ARHGEF11: variants seen among roughly 807,000 people sequenced by gnomAD.
ARHGEF11 encodes the protein Rho guanine nucleotide exchange factor 11.
Under a neutral mutation model 193.7 loss-of-function variants are expected in ARHGEF11, and 55 were observed. That is an observed-to-expected ratio of 0.28 (90% CI 0.23 to 0.36). The LOEUF (loss-of-function observed/expected upper bound fraction) is 0.36, where lower values mean the gene tolerates loss of function less well. Among genes scored for constraint, ARHGEF11 ranks in the 10% least tolerant of loss-of-function variants. The pLI, the probability that ARHGEF11 is intolerant of heterozygous loss-of-function variation, is 1.00. For missense variants in ARHGEF11, 1,723 were observed against 2,005.6 expected (o/e 0.86, Z 2.69); for synonymous variants, 693 against 768.0 (o/e 0.90, Z 1.62).
chr1:156,984,548 T>C (rs1485331991), intron 2 of ARHGEF11, 111 bp from the exon 3 acceptor site: 1 of 692,634 alleles, frequency 1.4e-6, no homozygotes, highest in Non-Finnish European at 2.5e-6. Flanking sequence ...AGAAGCCTTT[T>C]CACACTAAAC....
chr1:157,030,533 C>T (rs1671171691), intron 1 of ARHGEF11, among the ~76,000 whole-genome samples: 1 of 152,164 alleles, frequency 6.6e-6, no homozygotes. Flanking sequence ...TTACCTATCT[C>T]TTTCCTAGTC....
chr1:156,998,324 C>A (rs963782415), intron 1 of ARHGEF11, among the ~76,000 whole-genome samples: 1 of 152,196 alleles, frequency 6.6e-6, no homozygotes, highest in Non-Finnish European at 1.5e-5. Context: ...AAGCTCACAT[C>A]GGACTTATCC....
At position 156,963,582 on chromosome 1, in the gene ARHGEF11, T is replaced by C; in HGVS notation, c.976A>G (p.Ser326Gly). 1.3e-6 allele frequency: 2 copies of C among 1,492,224 alleles called. No homozygotes were observed. Among genetic ancestry groups the C allele is most frequent in the Non-Finnish European group, 1.8e-6 (2 of 1,114,824 alleles). 92.4% of individuals were successfully genotyped at this position (1,492,224 alleles called of 1,614,324 possible). A position where few individuals can be genotyped will look rare whatever the true frequency, so the allele number is the denominator to read the frequency against. Residue 326 changes from serine to glycine, a missense_variant, in exon 12 of 41, where the codon AGC becomes GGC. Around this residue, in one of 5 missense-constraint regions of ARHGEF11, gnomAD observed 646 missense variants for 710.7 expected, o/e 0.91. Coordinates refer to ENST00000368194, the MANE Select transcript of ARHGEF11 (RefSeq NM_198236.3). ...PSTGDQGVDQSPKPLIIGPEE... is the reference protein window; with the variant it reads ...PSTGDQGVDQGPKPLIIGPEE... Reference sequence around the variant, plus strand: ...GGGCCAATAATTAAAGGCTTTGGGCTTTGATCTACACCCTGGGGGAGAGAG... The same window carrying C: ...GGGCCAATAATTAAAGGCTTTGGGCCTTGATCTACACCCTGGGGGAGAGAG...
intron 1 of ARHGEF11, among the ~76,000 whole-genome samples, chr1:157,038,690 C>G (rs559278523): frequency 6.6e-6 from 1 of 152,224 alleles, no homozygotes; most frequent in Admixed American, 6.5e-5. Context: ...GAAATCTGTC[C>G]AATTGTTTTA....
chr1:157,035,831 T>TAGGAATATATATATAGGAATATATATATA lies in ARHGEF11; in HGVS notation c.32+8467_32+8468insTATATATATATTCCTATATATATATTCCT, dbSNP rs112484927. Among the ~76,000 whole-genome samples, 445 of 65,780 alleles carry TAGGAATATATATATAGGAATATATATATA rather than the reference T, an allele frequency of 6.8e-3. 35 individuals are homozygous for TAGGAATATATATATAGGAATATATATATA. Among genetic ancestry groups the TAGGAATATATATATAGGAATATATATATA allele is most frequent in the Middle Eastern group, 0.025 (2 of 80 alleles). The allele number at this position is 65,780 out of a possible 152,430, so 43.2% of individuals were successfully genotyped here. A position where few individuals can be genotyped will look rare whatever the true frequency, so the allele number is the denominator to read the frequency against. ...GAATATATATATAGGAATATATATA[T>TAGGAATATATATATAGGAATATATATATA]GGAATATATATATGTATATATTTAG... On this transcript the variant is annotated intron_variant, in intron 1 of 40. Transcript: ENST00000368194.
chr1:156,943,765 C>T (rs1265359427), intron 32 of ARHGEF11, among the ~76,000 whole-genome samples, 170 bp downstream of exon 32: 1 of 152,206 alleles, frequency 6.6e-6, no homozygotes, highest in South Asian at 2.1e-4. Context: ...AACCCTCATC[C>T]TACCCCACTT....
Position 157,013,259 on chromosome 1 carries a change from T to TCTCACACACACACACACACACACA in ARHGEF11, c.33-27087_33-27086insTGTGTGTGTGTGTGTGTGTGTGAG, listed in dbSNP as rs1553228459. ...CCCAACTGCTCATAACTCCCCACTA[T>TCTCACACACACACACACACACACA]CACTCACACACACACACACACACAC... On this transcript the variant is annotated intron_variant, in intron 1 of 40. Transcript: ENST00000368194. Among the ~76,000 whole-genome samples the TCTCACACACACACACACACACACA allele has an allele frequency of 2.9e-3, 314 of 109,548 alleles. 4 individuals are homozygous for TCTCACACACACACACACACACACA. Among genetic ancestry groups the TCTCACACACACACACACACACACA allele is most frequent in the Middle Eastern group, 5.1e-3 (1 of 196 alleles). The allele number at this position is 109,548 out of a possible 152,430, so 71.9% of individuals were successfully genotyped here. A position where few individuals can be genotyped will look rare whatever the true frequency, so the allele number is the denominator to read the frequency against.
chr1:156,972,882 C>CA (rs1202947452), intron 7 of ARHGEF11, among the ~76,000 whole-genome samples: 1 of 152,160 alleles, frequency 6.6e-6, no homozygotes, highest in Non-Finnish European at 1.5e-5. Flanking sequence ...CACATATCTT[C>CA]AAAGTCTCCT....
Position 156,946,620 on chromosome 1 carries a change from T to G in ARHGEF11, c.2694+42A>C, listed in dbSNP as rs750692572. 21 of 1,613,112 alleles carry G rather than the reference T, an allele frequency of 1.3e-5. No homozygotes were observed. The Admixed American group carries it at 3.5e-4, about 27-fold the overall frequency. The stretch of plus-strand genomic sequence containing the variant: ...AAGTTCAGGAGATCCTTGGTGACCT[T>G]GATGGAGATGAAGGAAGGCCAAGGC... On this transcript the variant is annotated intron_variant, in intron 28 of 40. Coordinates refer to ENST00000368194, the MANE Select transcript of ARHGEF11 (RefSeq NM_198236.3).
chr1:156,974,720 A>G (rs1369367719), intron 7 of ARHGEF11, among the ~76,000 whole-genome samples: 2 of 152,160 alleles, frequency 1.3e-5, no homozygotes, highest in African/African-American at 4.8e-5. Flanking sequence ...CTGTTCATGA[A>G]TCTGCATATT....
At chr1:156,975,408 T>C (rs1663118195) in intron 7 of ARHGEF11, among the ~76,000 whole-genome samples, 1 of 152,220 alleles carries the variant, frequency 6.6e-6, no homozygotes, top group Admixed American at 6.5e-5. Context: ...GGTTGTCTTT[T>C]TATTGCTGAG....
chr1:156,961,410 G>C (rs1660826083), intron 14 of ARHGEF11, among the ~76,000 whole-genome samples: 1 of 152,228 alleles, frequency 6.6e-6, no homozygotes, highest in South Asian at 2.1e-4. Context: ...CACTGAATGA[G>C]GGGAGAATAG....
intron 9 of ARHGEF11, 106 bp from the exon 10 acceptor site, chr1:156,969,464 C>A: frequency 2.8e-6 from 3 of 1,059,984 alleles, no homozygotes; most frequent in Non-Finnish European, 4.2e-6. Context: ...GAGCTGCCAC[C>A]TTTTCTTTCA....
At chr1:157,043,833 C>A (rs1673046087) in intron 1 of ARHGEF11, among the ~76,000 whole-genome samples, 1 of 152,190 alleles carries the variant, frequency 6.6e-6, no homozygotes, top group South Asian at 2.1e-4. Flanking sequence ...GAAATGGGAT[C>A]CACCCCGTCA....
At chr1:157,028,181 C>T (rs1250222114) in intron 1 of ARHGEF11, among the ~76,000 whole-genome samples, 1 of 152,200 alleles carries the variant, frequency 6.6e-6, no homozygotes, top group African/African-American at 2.4e-5. Context: ...CTGAACAATA[C>T]TGATCTGTGC....
chr1:156,948,163 A>G lies in ARHGEF11; in HGVS notation c.2153+18T>C. 2 of 1,554,304 alleles carry G rather than the reference A, an allele frequency of 1.3e-6. No individual in the cohort carries two copies. The highest frequency in any genetic ancestry group is 1.7e-6 in the Non-Finnish European group (2 of 1,147,946). On this transcript the variant is annotated intron_variant, in intron 24 of 40. Coordinates refer to ENST00000368194, the MANE Select transcript of ARHGEF11 (RefSeq NM_198236.3). The surrounding 1 kb of genome is among the most constrained non-coding windows in gnomAD (Gnocchi z 4.2). ...CACAGAGACACCAAACAGAGGCACC[A>G]CCGTGCCCATCACTTACCTGCGGCC... is the stretch of plus-strand genomic sequence containing the variant.
Position 156,990,039 on chromosome 1 carries a change from CAACT to C in ARHGEF11, c.33-3870_33-3867del, listed in dbSNP as rs571644049. Among the ~76,000 whole-genome samples, 22 of 152,282 alleles carry C rather than the reference CAACT, an allele frequency of 1.4e-4. No individual in the cohort carries two copies. In the East Asian group the frequency reaches 4.2e-3, roughly 29 times the overall value. On this transcript the variant is annotated intron_variant, in intron 1 of 40. Transcript: ENST00000368194. Reference sequence around the variant, plus strand: ...TATACAGTACACATTCAAATTTCCCCAACTGTCTTATTAAGTTCTTTGTAGCTAT... The same window carrying C: ...TATACAGTACACATTCAAATTTCCCCGTCTTATTAAGTTCTTTGTAGCTAT...
intron 29 of ARHGEF11, chr1:156,945,647 G>A: frequency 4.2e-6 from 1 of 238,504 alleles, no homozygotes; most frequent in Non-Finnish European, 8.2e-6. Context: ...TGTTCAGTCT[G>A]GTCCCCTGCC....
chr1:156,965,598 T>C (rs1423635151), intron 11 of ARHGEF11, among the ~76,000 whole-genome samples: 2 of 152,172 alleles, frequency 1.3e-5, no homozygotes, highest in African/African-American at 4.8e-5. Flanking sequence ...CCCTCCACAT[T>C]GTAAGAATAA....
Sources: allele counts gnomAD v4.1 joint callset (sites outside exome capture counted in the v4.1 genomes callset), GRCh38; gene constraint gnomAD v4.1.1; regional missense constraint gnomAD v4.1.1; non-coding constraint Gnocchi (gnomAD v3.1); transcripts MANE v1.5; gene names NCBI Gene and HGNC (gene_info 2026-07-23, HGNC 2026-07-21).